The following DPYD variants were observed in gnomAD, a reference collection of about 807,000 sequenced individuals.
DPYD encodes dihydropyrimidine dehydrogenase [NADP(+)].
A neutral mutation model predicts 116.2 loss-of-function variants in DPYD; 109 were observed. The observed-to-expected ratio is 0.94, with a 90% CI of 0.80 to 1.10. The LOEUF (loss-of-function observed/expected upper bound fraction) is 1.10, where lower values mean the gene tolerates loss of function less well. Ranked by LOEUF, DPYD falls within the 50% of genes least tolerant of loss-of-function variation. The pLI is 0.00. For missense variants in DPYD, 1,302 were observed against 1,254.5 expected (o/e 1.04, Z -0.57); for synonymous variants, 440 against 432.0 (o/e 1.02, Z -0.23).
intron 12 of DPYD, among the ~76,000 whole-genome samples, chr1:97,524,096 A>G (rs1386305285): frequency 6.6e-6 from 1 of 152,182 alleles, no homozygotes; most frequent in Non-Finnish European, 1.5e-5. Flanking sequence ...TTGAAGTTTT[A>G]AAACCTAAAC....
chr1:97,144,424 T>C (rs1447218884), intron 20 of DPYD, among the ~76,000 whole-genome samples: 1 of 152,230 alleles, frequency 6.6e-6, no homozygotes, highest in African/African-American at 2.4e-5. Context: ...AAAGTTCATT[T>C]TGACATTTCA....
chr1:97,510,680 G>A (rs1040588365), intron 13 of DPYD, among the ~76,000 whole-genome samples: 2 of 151,948 alleles, frequency 1.3e-5, no homozygotes, highest in Non-Finnish European at 2.9e-5. Context: ...ATGTCCCTTT[G>A]TAATGTGGTT....
chr1:97,376,543 C>T (rs1452184330), intron 15 of DPYD, among the ~76,000 whole-genome samples: 1 of 152,056 alleles, frequency 6.6e-6, no homozygotes, highest in Non-Finnish European at 1.5e-5. Context: ...ATTCATGTGG[C>T]CTCTGCTTGA....
intron 3 of DPYD, among the ~76,000 whole-genome samples, chr1:97,820,050 T>C (rs938210376): frequency 6.6e-6 from 1 of 152,142 alleles, no homozygotes; most frequent in African/African-American, 2.4e-5. Context: ...ACTCGGTTCA[T>C]GGTTTACTAA....
chr1:97,795,177 T>C (rs1170472025), intron 3 of DPYD, among the ~76,000 whole-genome samples: 1 of 152,002 alleles, frequency 6.6e-6, no homozygotes, highest in African/African-American at 2.4e-5. Context: ...AACTTCAAAA[T>C]GGGTGGCAGA....
chr1:97,142,937 A>T (rs914313236), intron 20 of DPYD, among the ~76,000 whole-genome samples: 1 of 152,090 alleles, frequency 6.6e-6, no homozygotes, highest in Non-Finnish European at 1.5e-5. Context: ...CTCAGTATAA[A>T]ATACATGTTC....
rs144844737 is a variant in DPYD at position 97,620,240 on chromosome 1, T to C, written c.851-25074A>G. Among the ~76,000 whole-genome samples, 348 of 152,278 alleles carry C rather than the reference T, an allele frequency of 2.3e-3. 19 individuals carry two copies. In the East Asian group the frequency reaches 0.054, roughly 24 times the overall value. On this transcript the variant is annotated intron_variant, in intron 8 of 22. Transcript: ENST00000370192. ...TTTAAAAAAAATTTTTTTGAGACAG[T>C]GTCACTTTGTTGACCAGGTTAGAGT... is the stretch of plus-strand genomic sequence containing the variant.
intron 18 of DPYD, among the ~76,000 whole-genome samples, chr1:97,249,821 A>G (rs1018387027): frequency 6.6e-6 from 1 of 152,238 alleles, no homozygotes; most frequent in Admixed American, 6.5e-5. Context: ...AATACATAAA[A>G]AAGTGTTCCA....
At chr1:97,358,487 C>T (rs146363906) in intron 16 of DPYD, among the ~76,000 whole-genome samples, 1 of 152,338 alleles carries the variant, frequency 6.6e-6, no homozygotes, top group African/African-American at 2.4e-5. Flanking sequence ...AGAGAAAGGA[C>T]AGGCTGCATC....
At chr1:97,374,607 T>C (rs1671495859) in intron 15 of DPYD, among the ~76,000 whole-genome samples, 1 of 147,666 alleles carries the variant, frequency 6.8e-6, no homozygotes, top group African/African-American at 2.5e-5. Context: ...TAGTCCCAGC[T>C]ACTCAGGAGG....
rs886221268 is a variant in DPYD, at chr1:97,360,080, C to T, written c.2058+13481G>A. On this transcript the variant is annotated intron_variant, in intron 16 of 22. Transcript: ENST00000370192. ...GAACCATCTCACATGCAAAGACACA[C>T]ATAGGCTCAAAATAAAGGGATGGAG... is the stretch of plus-strand genomic sequence containing the variant. 1.8e-4 allele frequency among the ~76,000 whole-genome samples: 28 copies of T among 152,020 alleles called. 1 individual carries two copies. The highest frequency in any genetic ancestry group is 6.5e-4 in the African/African-American group (27 of 41,464).
chr1:97,730,071 T>A (rs964977204), intron 4 of DPYD, among the ~76,000 whole-genome samples: 1 of 152,188 alleles, frequency 6.6e-6, no homozygotes, highest in African/African-American at 2.4e-5. Context: ...TGATTGTGTT[T>A]GTTAATATAT....
chr1:97,746,512 A>G (rs1008401248), intron 3 of DPYD, among the ~76,000 whole-genome samples: 1 of 152,142 alleles, frequency 6.6e-6, no homozygotes, highest in Non-Finnish European at 1.5e-5. Context: ...TACACGAAAA[A>G]TATACTTATG....
chr1:97,892,546 G>A (rs1173290346), intron 1 of DPYD, among the ~76,000 whole-genome samples: 1 of 151,774 alleles, frequency 6.6e-6, no homozygotes, highest in Non-Finnish European at 1.5e-5. Flanking sequence ...GTTCACACTT[G>A]AGATACAATC....
chr1:97,533,017 T>C (rs979564382), intron 12 of DPYD, among the ~76,000 whole-genome samples: 1 of 152,072 alleles, frequency 6.6e-6, no homozygotes, highest in African/African-American at 2.4e-5. Context: ...AGACATTTAC[T>C]GCTATAAAAC....
intron 3 of DPYD, among the ~76,000 whole-genome samples, chr1:97,779,598 C>T (rs1011869972): frequency 2.0e-5 from 3 of 152,046 alleles, no homozygotes; most frequent in African/African-American, 4.8e-5. Flanking sequence ...TCTATGGATC[C>T]AGTGATTCAT....
Position 97,302,964 on chromosome 1 carries a change from G to A in DPYD, c.2299+2295C>T, listed in dbSNP as rs192595567. Among the ~76,000 whole-genome samples, 264 of 151,968 alleles carry A rather than the reference G, an allele frequency of 1.7e-3. 1 individual carries two copies. The highest frequency in any genetic ancestry group is 0.014 in the Admixed American group (208 of 15,218). On this transcript the variant is annotated intron_variant, in intron 18 of 22. Coordinates refer to ENST00000370192, the MANE Select transcript of DPYD (RefSeq NM_000110.4). ...ACTGACATTCCTTAGCTGAGATCCC[G>A]TTTTCCCAATGCAAGTCACTGTCCC...
chr1:97,142,915 T>C (rs775915992), intron 20 of DPYD, among the ~76,000 whole-genome samples: 11 of 152,084 alleles, frequency 7.2e-5, no homozygotes, highest in Non-Finnish European at 1.2e-4. Flanking sequence ...ATTGCTTTCA[T>C]TTTTAGTTTT....
intron 6 of DPYD, among the ~76,000 whole-genome samples, chr1:97,699,149 A>T (rs1010838915): frequency 6.6e-6 from 1 of 152,108 alleles, no homozygotes; most frequent in Non-Finnish European, 1.5e-5. Flanking sequence ...TAGAGAGAAA[A>T]TTTTTTAAAT....
Sources: gnomAD v4.1 joint callset for allele counts (sites outside exome capture counted in the v4.1 genomes callset) on GRCh38, gnomAD v4.1.1 for gene constraint, MANE v1.5 for transcripts, NCBI Gene and HGNC (gene_info 2026-07-23, HGNC 2026-07-21) for gene names.